The following CSMD1 variants were observed in gnomAD, a reference collection of about 807,000 sequenced individuals.
CSMD1 encodes CUB and sushi domain-containing protein 1.
CSMD1 carries 213 observed loss-of-function variants against 417.5 expected under a neutral mutation model. The observed-to-expected ratio is 0.51, with a 90% confidence interval of 0.46 to 0.57. CSMD1 has a LOEUF of 0.57. Ranked by LOEUF, CSMD1 falls within the 20% of genes least tolerant of loss-of-function variation. CSMD1 has a pLI of 0.00. For missense variants in CSMD1, 6,923 were observed against 4,529.7 expected, an observed-to-expected ratio of 1.53 and a Z score of -15.17; for synonymous variants, 2,862 against 1,736.8, an observed-to-expected ratio of 1.65 and a Z score of -16.11.
intron 57 of CSMD1, among the ~76,000 whole-genome samples, chr8:2,969,204 T>C (rs1190493994): frequency 6.6e-6 from 1 of 152,174 alleles, no homozygotes; most frequent in Non-Finnish European, 1.5e-5. Flanking sequence ...AGATCTGATG[T>C]ATTAGTGGTA....
intron 4 of CSMD1, among the ~76,000 whole-genome samples, chr8:4,030,082 T>A (rs919235829): frequency 1.3e-5 from 2 of 152,220 alleles, no homozygotes; most frequent in Non-Finnish European, 2.9e-5. Flanking sequence ...GCTTCCCTCC[T>A]GGATGCTTTC....
At chr8:3,418,269 C>G (rs890888587) in intron 12 of CSMD1, among the ~76,000 whole-genome samples, 1 of 152,078 alleles carries the variant, frequency 6.6e-6, no homozygotes, top group East Asian at 1.9e-4. Flanking sequence ...TATAAGTAAC[C>G]ACAGAAATGA....
intron 3 of CSMD1, among the ~76,000 whole-genome samples, chr8:4,072,623 T>C (rs1039725618): frequency 2.6e-5 from 4 of 152,208 alleles, no homozygotes; most frequent in African/African-American, 4.8e-5. Context: ...GTTTATGTTT[T>C]GAAAATTAAA....
At chr8:4,218,328 T>C (rs577448768) in intron 3 of CSMD1, among the ~76,000 whole-genome samples, 124 of 152,350 alleles carry the variant, frequency 8.1e-4, no homozygotes, top group African/African-American at 2.9e-3. Context: ...TATTCATTAA[T>C]GCAGAATATT....
intron 8 of CSMD1, 135 bp downstream of exon 8, chr8:3,616,575 C>T (rs1232101462): frequency 4.9e-6 from 3 of 612,784 alleles, no homozygotes; most frequent in African/African-American, 1.9e-5. Context: ...ATTGTGATTA[C>T]ACACATTTAG....
At chr8:4,601,941 C>T (rs1275634511) in intron 2 of CSMD1, among the ~76,000 whole-genome samples, 1 of 152,172 alleles carries the variant, frequency 6.6e-6, no homozygotes, top group Non-Finnish European at 1.5e-5. Context: ...GAAGCTTATA[C>T]ACAGGTGCTG....
intron 3 of CSMD1, among the ~76,000 whole-genome samples, chr8:4,040,179 TG>T (rs1216204300): frequency 6.6e-6 from 1 of 152,190 alleles, no homozygotes; most frequent in Non-Finnish European, 1.5e-5. Flanking sequence ...ATAGTTGTAA[TG>T]GAAGTGAAGG....
intron 7 of CSMD1, among the ~76,000 whole-genome samples, chr8:3,627,135 C>CA (rs1263946555): frequency 6.6e-6 from 1 of 152,042 alleles, no homozygotes; most frequent in Non-Finnish European, 1.5e-5. Context: ...TGTAGTCACT[C>CA]AAAAATTTAA....
intron 5 of CSMD1, among the ~76,000 whole-genome samples, chr8:3,792,230 C>G (rs1288540696): frequency 2.6e-5 from 4 of 151,748 alleles, no homozygotes; most frequent in Admixed American, 6.6e-5. Flanking sequence ...GAGGGCGAGG[C>G]TGCAGGGAGT....
chr8:3,940,497 CTGTGTGTGTGTGTG>C (rs34005059), intron 5 of CSMD1, among the ~76,000 whole-genome samples: 17 of 145,046 alleles, frequency 1.2e-4, no homozygotes, highest in Non-Finnish European at 1.8e-4. Flanking sequence ...ATTATTTCCT[CTGTGTGTGTGTGTG>C]TGTGTGTGTG....
intron 2 of CSMD1, among the ~76,000 whole-genome samples, chr8:4,444,640 A>G (rs977711907): frequency 4.6e-5 from 7 of 152,196 alleles, no homozygotes; most frequent in Non-Finnish European, 1.0e-4. Context: ...CATGGTTATT[A>G]TCATTCAGGG....
At chr8:4,186,404 A>T (rs1333180842) in intron 3 of CSMD1, among the ~76,000 whole-genome samples, 1 of 152,166 alleles carries the variant, frequency 6.6e-6, no homozygotes, top group African/African-American at 2.4e-5. Context: ...AAGACAGTCC[A>T]GTCCCTGACA....
chr8:4,186,441 G>C (rs796069640), intron 3 of CSMD1, among the ~76,000 whole-genome samples: 1 of 151,906 alleles, frequency 6.6e-6, no homozygotes, highest in East Asian at 1.9e-4. Context: ...ACAGAGCCCA[G>C]GTTTCCACCT....
intron 3 of CSMD1, among the ~76,000 whole-genome samples, chr8:4,385,438 A>G (rs1411073158): frequency 6.6e-6 from 1 of 152,208 alleles, no homozygotes; most frequent in Non-Finnish European, 1.5e-5. Context: ...CACTTAGTAC[A>G]TGTTTCTTTT....
At chr8:4,593,657 C>G (rs1277428004) in intron 2 of CSMD1, among the ~76,000 whole-genome samples, 1 of 152,048 alleles carries the variant, frequency 6.6e-6, no homozygotes, top group Non-Finnish European at 1.5e-5. Flanking sequence ...CTGAAAAGAC[C>G]TTAGTTTAAA....
chr8:4,156,735 G>A (rs1031941201), intron 3 of CSMD1, among the ~76,000 whole-genome samples: 1 of 152,162 alleles, frequency 6.6e-6, no homozygotes, highest in African/African-American at 2.4e-5. Flanking sequence ...TGGGGCCAGT[G>A]ACAGCTTCAA....
chr8:4,252,153 T>C (rs2128831923), intron 3 of CSMD1, among the ~76,000 whole-genome samples: 1 of 152,218 alleles, frequency 6.6e-6, no homozygotes, highest in South Asian at 2.1e-4. Flanking sequence ...TTCTGTTCTT[T>C]CAGGATATAT....
At chr8:4,555,379 G>A (rs562370053) in intron 2 of CSMD1, among the ~76,000 whole-genome samples, 81 of 152,232 alleles carry the variant, frequency 5.3e-4, no homozygotes, top group Middle Eastern at 6.8e-3. Flanking sequence ...GGGGAATGTC[G>A]TGGGCCATTT....
chr8:4,430,761 A>C (rs4875103), intron 2 of CSMD1, among the ~76,000 whole-genome samples: 24,983 of 152,090 alleles, frequency 0.16, 2,138 homozygotes, highest in South Asian at 0.29. Flanking sequence ...ATGTATGTTT[A>C]TGACAATCAA....
Sources: gnomAD v4.1 joint callset for allele counts (sites outside exome capture counted in the v4.1 genomes callset) on GRCh38, gnomAD v4.1.1 for gene constraint, MANE v1.5 for transcripts, NCBI Gene and HGNC (gene_info 2026-07-23, HGNC 2026-07-21) for gene names.